Variants in PTPRM observed in about 807,000 individuals in gnomAD.
The protein encoded by PTPRM is protein tyrosine phosphatase receptor type M, also known as receptor-type tyrosine-protein phosphatase mu.
A neutral mutation model predicts 186.7 loss-of-function variants in PTPRM; 47 were observed. That is an observed-to-expected ratio of 0.25 (90% confidence interval 0.20 to 0.32). The LOEUF is 0.32. PTPRM is among the 10% of genes least tolerant of loss of function. The pLI is 1.00. For missense variants in PTPRM, 1,494 were observed against 1,865.0 expected, an observed-to-expected ratio of 0.80 and a Z score of 3.66; for synonymous variants, 668 against 674.9, an observed-to-expected ratio of 0.99 and a Z score of 0.16.
rs369142938 is a variant in PTPRM, at chr18:8,370,985, A to G, written c.3150A>G (p.Ile1050Met). The G allele has an allele frequency of 3.1e-6, 5 of 1,595,176 alleles. No homozygotes were observed. Among genetic ancestry groups the G allele is most frequent in the Non-Finnish European group, 4.3e-6 (5 of 1,164,418 alleles). ...IETELLAEYV[I>M]RTFAVEKRGV... ...CAGAACTACTGGCAGAATATGTGAT[A>G]AGAACATTTGCTGTTGAAAAGGTAA... The change falls in exon 24 of 33, where the codon ATA (isoleucine) becomes ATG (methionine). Residue 1050 changes from isoleucine to methionine, a missense_variant. Physicochemically the swap from Ile to Met is conservative, Grantham distance 10 (BLOSUM62 1). This residue lies in a region of PTPRM where 1,107 missense variants were observed against 1,350.2 expected (regional missense o/e 0.82). Transcript: ENST00000580170.
chr18:8,255,680 C>G (rs1358936382), intron 19 of PTPRM, among the ~76,000 whole-genome samples: 2 of 152,112 alleles, frequency 1.3e-5, no homozygotes, highest in East Asian at 3.8e-4. Context: ...GAGATGATAT[C>G]AGGAACAAAT....
In PTPRM at chr18:8,186,578, G is replaced by C. The variant is rs1281205983; in HGVS notation, c.2300+42799G>C. Among the ~76,000 whole-genome samples the C allele has an allele frequency of 3.9e-5, 6 of 152,272 alleles. No homozygotes were observed. The East Asian group carries it at 1.2e-3, about 30-fold the overall frequency. On this transcript the variant is annotated intron_variant, in intron 14 of 32. Coordinates refer to ENST00000580170, the MANE Select transcript of PTPRM (RefSeq NM_001105244.2). Reference sequence around the variant, plus strand: ...CTGCTTTCAGAGCAACAGTTGCCCTGCACTCTTGTGCATGGCCCTCAAAGC... The same window carrying C: ...CTGCTTTCAGAGCAACAGTTGCCCTCCACTCTTGTGCATGGCCCTCAAAGC...
At chr18:8,039,333 CATCTTA>C (rs772371511) in intron 7 of PTPRM, among the ~76,000 whole-genome samples, 15 of 152,052 alleles carry the variant, frequency 9.9e-5, no homozygotes, top group South Asian at 6.2e-4. Flanking sequence ...AAAGGAGATC[CATCTTA>C]ATCTTAATAT....
chr18:7,568,766 G>A lies in PTPRM; in HGVS notation c.73+875G>A, dbSNP rs564159632. 6.6e-6 allele frequency among the ~76,000 whole-genome samples: 1 copy of A among 152,290 alleles called. No homozygotes were observed. Among genetic ancestry groups the A allele is most frequent in the South Asian group, 2.1e-4 (1 of 4,824 alleles). On this transcript the variant is annotated intron_variant, in intron 1 of 32. Coordinates refer to ENST00000580170, the MANE Select transcript of PTPRM (RefSeq NM_001105244.2). This position sits in a 1 kb window ranked among gnomAD's most constrained non-coding sequence, Gnocchi z 5.1. ...CGCGCGGGGGCGTTCTAAGCCCAGAGGAACCCCTCACGGAGAGGATCTGTG... is the reference window on the plus strand; with the variant it reads ...CGCGCGGGGGCGTTCTAAGCCCAGAAGAACCCCTCACGGAGAGGATCTGTG...
At chr18:7,888,039 T>A (rs766824254) in intron 2 of PTPRM, 67 bp from the exon 3 acceptor site, 4 of 1,589,084 alleles carry the variant, frequency 2.5e-6, no homozygotes, top group Non-Finnish European at 2.6e-6. Flanking sequence ...TAAATGGTGG[T>A]GGGTTTTCAG....
intron 1 of PTPRM, among the ~76,000 whole-genome samples, chr18:7,647,528 A>C (rs1430576107): frequency 6.6e-6 from 1 of 152,224 alleles, no homozygotes; most frequent in Admixed American, 6.5e-5. Flanking sequence ...GTTTCCTACA[A>C]GATGGTGAAA....
chr18:7,930,981 A>G (rs1458164914), intron 5 of PTPRM, among the ~76,000 whole-genome samples: 1 of 152,074 alleles, frequency 6.6e-6, no homozygotes, highest in Non-Finnish European at 1.5e-5. Flanking sequence ...ACTGAACAAT[A>G]GAATAAGACC....
At chr18:8,247,356 A>G (rs2094486827) in intron 15 of PTPRM, among the ~76,000 whole-genome samples, 1 of 152,206 alleles carries the variant, frequency 6.6e-6, no homozygotes, top group Admixed American at 6.5e-5. Context: ...CGCATGGAGC[A>G]CCACCTTTGT....
At chr18:8,102,732 T>C (rs1600579838) in intron 11 of PTPRM, among the ~76,000 whole-genome samples, 2 of 152,308 alleles carry the variant, frequency 1.3e-5, no homozygotes, top group Admixed American at 1.3e-4. Context: ...ATATTAATAC[T>C]TTCACTTCCT....
At chr18:8,280,530 A>T (rs1267764572) in intron 19 of PTPRM, among the ~76,000 whole-genome samples, 1 of 152,138 alleles carries the variant, frequency 6.6e-6, no homozygotes, top group Non-Finnish European at 1.5e-5. Flanking sequence ...CATCAGCCTC[A>T]TTGGTGGGTC....
At chr18:7,635,856 C>T in intron 1 of PTPRM, among the ~76,000 whole-genome samples, 1 of 152,204 alleles carries the variant, frequency 6.6e-6, no homozygotes. Flanking sequence ...GATATATTAG[C>T]ATGTTCAGAG....
intron 14 of PTPRM, among the ~76,000 whole-genome samples, chr18:8,232,985 G>A (rs2094305319): frequency 6.6e-6 from 1 of 152,112 alleles, no homozygotes; most frequent in Non-Finnish European, 1.5e-5. Context: ...TGCATTCCTG[G>A]AACAATGGGT....
intron 9 of PTPRM, among the ~76,000 whole-genome samples, chr18:8,083,105 C>T (rs899616261): frequency 7.2e-5 from 11 of 152,242 alleles, no homozygotes; most frequent in Admixed American, 2.0e-4. Context: ...TAGCTCTAGG[C>T]CCTGGACTCT....
chr18:8,203,591 G>C (rs781364322), intron 14 of PTPRM, among the ~76,000 whole-genome samples: 2 of 152,130 alleles, frequency 1.3e-5, no homozygotes, highest in African/African-American at 4.8e-5. Context: ...TGTATTTCTT[G>C]AGAGTAGTAA....
chr18:7,905,401 T>A (rs990624282), intron 3 of PTPRM, among the ~76,000 whole-genome samples: 1 of 152,248 alleles, frequency 6.6e-6, no homozygotes. Flanking sequence ...CTTCTCTTGC[T>A]TCTCCAATTA....
At chr18:8,299,528 A>ACGG (rs2095132794) in intron 20 of PTPRM, among the ~76,000 whole-genome samples, 1 of 151,704 alleles carries the variant, frequency 6.6e-6, no homozygotes, top group African/African-American at 2.4e-5. Flanking sequence ...TGGAGGTTGC[A>ACGG]GTGAGCCGAT....
chr18:8,119,349 A>G (rs1025826732), intron 13 of PTPRM, among the ~76,000 whole-genome samples: 1 of 152,216 alleles, frequency 6.6e-6, no homozygotes, highest in Non-Finnish European at 1.5e-5. Context: ...TTTGTAGGCC[A>G]TAATGGTACA....
intron 7 of PTPRM, among the ~76,000 whole-genome samples, chr18:8,036,174 C>T (rs1025653980): frequency 2.6e-5 from 4 of 152,076 alleles, no homozygotes; most frequent in Non-Finnish European, 5.9e-5. Flanking sequence ...GGGGTAACTC[C>T]GGGGAACAGA....
intron 19 of PTPRM, among the ~76,000 whole-genome samples, chr18:8,257,320 G>A (rs745795694): frequency 6.6e-5 from 10 of 152,166 alleles, no homozygotes; most frequent in Non-Finnish European, 1.5e-4. Context: ...GGATGAGGGT[G>A]GTCAGGGCTC....
Sources: gnomAD v4.1 joint callset for allele counts (sites outside exome capture counted in the v4.1 genomes callset) on GRCh38, gnomAD v4.1.1 for gene constraint, gnomAD v4.1.1 regional missense constraint, Gnocchi (gnomAD v3.1) non-coding constraint, MANE v1.5 for transcripts, NCBI Gene and HGNC (gene_info 2026-07-23, HGNC 2026-07-21) for gene names.